Variants in RORA observed in about 807,000 individuals in gnomAD.
RORA encodes the protein nuclear receptor ROR-alpha.
RORA carries 7 observed loss-of-function variants against 69.5 expected under a neutral mutation model. The observed-to-expected ratio is 0.10, with a 90% CI of 0.06 to 0.19. The LOEUF is 0.19. RORA is among the 10% of genes least tolerant of loss of function. The probability of loss-of-function intolerance (pLI) is 1.00; values close to 1 mark genes in which losing one functional copy is unlikely to be tolerated. For missense variants in RORA, 457 were observed against 663.0 expected, an observed-to-expected ratio of 0.69 and a Z score of 3.41; for synonymous variants, 261 against 240.8, an observed-to-expected ratio of 1.08 and a Z score of -0.78.
chr15:60,594,010 C>T (rs1394096075), intron 2 of RORA, among the ~76,000 whole-genome samples: 1 of 152,052 alleles, frequency 6.6e-6, no homozygotes, highest in Non-Finnish European at 1.5e-5. Context: ...CAATAAAGTT[C>T]GTTGTCCTTC....
chr15:60,883,586 A>G (rs551398298), intron 1 of RORA, among the ~76,000 whole-genome samples: 11 of 152,322 alleles, frequency 7.2e-5, no homozygotes, highest in African/African-American at 2.4e-4. Context: ...CACAGTAGGT[A>G]TGTAATAATT....
At chr15:60,990,860 A>C (rs897636379) in intron 1 of RORA, among the ~76,000 whole-genome samples, 1 of 152,228 alleles carries the variant, frequency 6.6e-6, no homozygotes, top group African/African-American at 2.4e-5. Context: ...TGGAATCTCA[A>C]AATACAAGGC....
At chr15:61,197,464 AG>A (rs2079855571) in intron 1 of RORA, among the ~76,000 whole-genome samples, 2 of 152,082 alleles carry the variant, frequency 1.3e-5, no homozygotes, top group South Asian at 4.1e-4. Flanking sequence ...CCTGCACCTC[AG>A]GTTTGCCAGA....
At chr15:60,647,557 A>G (rs897522677) in intron 2 of RORA, among the ~76,000 whole-genome samples, 4 of 152,240 alleles carry the variant, frequency 2.6e-5, no homozygotes, top group African/African-American at 9.6e-5. Flanking sequence ...GGTGAGGGAA[A>G]GACAGAAAAA....
chr15:60,503,707 T>C lies in RORA; in HGVS notation c.943-40A>G, dbSNP rs1274788991. On this transcript the variant is annotated intron_variant, in intron 6 of 10. Coordinates refer to ENST00000335670, the MANE Select transcript of RORA (RefSeq NM_134261.3). ...AACACATTAACATCCTCCAGGAAGA[T>C]GTTAGCTTTTGTAGCAGAAGCTGCA... 4 of 1,607,450 alleles carry C rather than the reference T, an allele frequency of 2.5e-6. No individual in the cohort carries two copies. In the African/African-American group the frequency reaches 5.3e-5, roughly 21 times the overall value.
intron 1 of RORA, among the ~76,000 whole-genome samples, chr15:60,870,993 C>A (rs1034225769): frequency 1.3e-5 from 2 of 152,218 alleles, no homozygotes; most frequent in African/African-American, 4.8e-5. Flanking sequence ...GTTTGCTAGA[C>A]AATCAATGCA....
rs139223168 is a variant in RORA at position 60,881,190 on chromosome 15, T to C, written c.167-202504A>G. ...AGCCTCTGCTCTTGGACTGCACTTG[T>C]CTTTCTTCCCACTGCCACACCACAC... On this transcript the variant is annotated intron_variant, in intron 1 of 10. Coordinates refer to ENST00000335670, the MANE Select transcript of RORA (RefSeq NM_134261.3). Among the ~76,000 whole-genome samples, 223 of 152,364 alleles carry C rather than the reference T, an allele frequency of 1.5e-3. 2 individuals are homozygous for C. In the South Asian group the frequency reaches 0.016, roughly 11 times the overall value.
At chr15:60,592,822 C>T (rs1179222946) in intron 2 of RORA, 5 of 542,632 alleles carry the variant, frequency 9.2e-6, no homozygotes, top group Non-Finnish European at 1.6e-5. Flanking sequence ...GGCCGCCGGT[C>T]GCTTTTCTGC....
intron 1 of RORA, among the ~76,000 whole-genome samples, chr15:60,912,172 C>T (rs987921102): frequency 6.6e-6 from 1 of 151,826 alleles, no homozygotes; most frequent in East Asian, 1.9e-4. Flanking sequence ...GTACTTTGGG[C>T]GACCCATGTG....
At chr15:60,754,383 G>C (rs2071767723) in intron 1 of RORA, among the ~76,000 whole-genome samples, 1 of 152,188 alleles carries the variant, frequency 6.6e-6, no homozygotes, top group African/African-American at 2.4e-5. Flanking sequence ...ACTCCAGTTA[G>C]ATGAATTTGA....
At chr15:60,763,701 T>C (rs1334447281) in intron 1 of RORA, among the ~76,000 whole-genome samples, 2 of 152,162 alleles carry the variant, frequency 1.3e-5, no homozygotes. Context: ...CCCAAAGATG[T>C]TTGCCATAGA....
At chr15:61,002,870 G>A (rs1452533218) in intron 1 of RORA, among the ~76,000 whole-genome samples, 4 of 151,602 alleles carry the variant, frequency 2.6e-5, no homozygotes, top group South Asian at 4.2e-4. Flanking sequence ...GGTGGCTCAC[G>A]CCTGTAATCC....
At chr15:61,187,387 G>T (rs17204945) in intron 1 of RORA, among the ~76,000 whole-genome samples, 1 of 152,074 alleles carries the variant, frequency 6.6e-6, no homozygotes, top group Non-Finnish European at 1.5e-5. Flanking sequence ...AAAGAGACTC[G>T]GATCCTTACC....
rs1014119258 is a variant in RORA at position 60,488,758 on chromosome 15, C to T, written c.*8697G>A. On this transcript the variant is annotated 3_prime_UTR_variant, in exon 11 of 11. Coordinates refer to ENST00000335670, the MANE Select transcript of RORA (RefSeq NM_134261.3). ...GCATATATTTATAGGTACAGTATTA[C>T]TGTTTCCAAACTTGCATGTATATTT... The T allele has an allele frequency of 6.6e-6, 1 of 152,158 alleles. No homozygotes were observed. The highest frequency in any genetic ancestry group is 2.1e-4 in the South Asian group (1 of 4,836). The allele number at this position is 152,158 out of a possible 1,614,324, so 9.4% of individuals were successfully genotyped here.
chr15:61,093,456 G>A (rs2078739470), intron 1 of RORA, among the ~76,000 whole-genome samples: 1 of 152,202 alleles, frequency 6.6e-6, no homozygotes, highest in Admixed American at 6.5e-5. Context: ...CAGATCCTAT[G>A]CCTGGAGATA....
At position 60,511,500 on chromosome 15, in the gene RORA, C is replaced by T. The variant is rs1047678327; in HGVS notation, c.546G>A (p.Leu182=). 1.9e-6 allele frequency: 3 copies of T among 1,614,042 alleles called. No homozygotes were observed. In the African/African-American group the frequency reaches 4.0e-5, roughly 22 times the overall value. ...HQQQPGEAEP[L]TPTYNISANG... Reference sequence around the variant, plus strand: ...TGGCCGAGATGTTGTAGGTGGGCGTCAGCGGCTCAGCCTCTCCAGGCTGCT... The same window carrying T: ...TGGCCGAGATGTTGTAGGTGGGCGTTAGCGGCTCAGCCTCTCCAGGCTGCT... The change falls in exon 5 of 11, where the codon CTG becomes CTA. Residue 182 remains leucine, a synonymous_variant. Coordinates refer to ENST00000335670, the MANE Select transcript of RORA (RefSeq NM_134261.3). The surrounding 1 kb of genome is among the most constrained non-coding windows in gnomAD (Gnocchi z 6.4).
intron 1 of RORA, among the ~76,000 whole-genome samples, chr15:60,890,568 G>T (rs1343473075): frequency 6.6e-6 from 1 of 152,194 alleles, no homozygotes; most frequent in East Asian, 1.9e-4. Context: ...GCCCTGCTCG[G>T]GGCCCCTTCA....
At chr15:60,898,717 G>A (rs59464828) in intron 1 of RORA, among the ~76,000 whole-genome samples, 5,589 of 151,842 alleles carry the variant, frequency 0.037, 335 homozygotes, top group African/African-American at 0.13. Flanking sequence ...AGAGAGAAAT[G>A]GAGGCAGGAA....
rs145329823 is a variant in RORA at position 60,750,848 on chromosome 15, G to A, written c.167-72162C>T. 1.4e-3 allele frequency among the ~76,000 whole-genome samples: 210 copies of A among 152,306 alleles called. 1 individual carries two copies. Among genetic ancestry groups the A allele is most frequent in the South Asian group, 6.0e-3 (29 of 4,822 alleles). On this transcript the variant is annotated intron_variant, in intron 1 of 10. Coordinates refer to ENST00000335670, the MANE Select transcript of RORA (RefSeq NM_134261.3). ...GGCACTGTGCCATGCATGCTTCATA[G>A]ACAAAGCCACCTAGGTCCATAAACA...
Sources: allele counts gnomAD v4.1 joint callset (sites outside exome capture counted in the v4.1 genomes callset), GRCh38; gene constraint gnomAD v4.1.1; non-coding constraint Gnocchi (gnomAD v3.1); transcripts MANE v1.5; gene names NCBI Gene and HGNC (gene_info 2026-07-23, HGNC 2026-07-21).